Variants in FLG2 observed in about 807,000 individuals in gnomAD.
FLG2 encodes the protein filaggrin 2.
Under a neutral mutation model 3.9 loss-of-function variants are expected in FLG2, and 7 were observed. The observed-to-expected ratio is 1.79, with a 90% confidence interval of 1.02 to 3.36. The LOEUF (loss-of-function observed/expected upper bound fraction) is 3.36. Ranked by LOEUF, FLG2 falls within the 30% of genes most tolerant of loss-of-function variation. The pLI is 0.00. For synonymous variants in FLG2, 1,031 were observed against 1,056.1 expected, an observed-to-expected ratio of 0.98 and a Z score of 0.46; for missense variants, 2,700 against 2,809.4, an observed-to-expected ratio of 0.96 and a Z score of 0.88.
chr1:152,354,757 G>A lies in FLG2; in HGVS notation c.3029C>T (p.Ser1010Phe), dbSNP rs1654127712. 3 of 1,613,918 alleles carry A rather than the reference G, an allele frequency of 1.9e-6. No homozygotes were observed. The highest frequency in any genetic ancestry group is 2.5e-6 in the Non-Finnish European group (3 of 1,180,020). Residue 1010 changes from serine (S) to phenylalanine (F), a missense_variant, in exon 3 of 3, where the codon TCT becomes TTT. By Grantham distance (155) the Ser-to-Phe change is radical (BLOSUM62 -2). Transcript: ENST00000388718. ...ACTAGACCCATGTTGACCATAGCCA[G>A]ATGACTGACTTGAGCCAGAACCATG... is the stretch of plus-strand genomic sequence containing the variant. Reference protein sequence around the residue: ...GQHGSGSSQSSGYGQHGSSSG... With the variant: ...GQHGSGSSQSFGYGQHGSSSG...
rs755140130 is a variant in FLG2 at position 152,356,286 on chromosome 1, A to G, written c.1500T>C (p.Gly500=). ...CATGCTGTCCAAAGCCAGAGGACTG[A>G]CCTGAGCCTGACCCACATTGTCCAA... is the stretch of plus-strand genomic sequence containing the variant. ...SGFGQCGSGS[G]QSSGFGQHGS... Residue 500 remains glycine (G), a synonymous_variant, in exon 3 of 3, where the codon GGT becomes GGC. Transcript: ENST00000388718. The G allele has an allele frequency of 3.7e-5, 59 of 1,612,726 alleles. No homozygotes were observed. The highest frequency in any genetic ancestry group is 4.9e-5 in the Non-Finnish European group (58 of 1,179,694).
At position 152,357,498 on chromosome 1, in the gene FLG2, A is replaced by C. The variant is rs147641330; in HGVS notation, c.288T>G (p.Ala96=). 4.3e-6 allele frequency: 7 copies of C among 1,614,024 alleles called. No homozygotes were observed. Among genetic ancestry groups the C allele is most frequent in the Non-Finnish European group, 5.1e-6 (6 of 1,180,002 alleles). Residue 96 remains alanine, a synonymous_variant, in exon 3 of 3, where the codon GCT becomes GCG. Transcript: ENST00000388718. ...CACGCCTATGCTTCTTTGACCCTGAAGCTTTGCAGTATTCTTTGCTGAGGA... is the reference window on the plus strand; with the variant it reads ...CACGCCTATGCTTCTTTGACCCTGACGCTTTGCAGTATTCTTTGCTGAGGA... ...NKVLSKEYCK[A]SGSKKHRRGH... is the part of the protein sequence containing the mutation.
chr1:152,354,346 C>A lies in FLG2; in HGVS notation c.3440G>T (p.Arg1147Ile), dbSNP rs1352699945. Residue 1147 changes from arginine (R) to isoleucine (I), a missense_variant, in exon 3 of 3, where the codon AGA becomes ATA. By Grantham distance (97) the Arg-to-Ile change is moderately conservative. Transcript: ENST00000388718. ...TTGGCCATAGCTAGACTGACCTGAT[C>A]TGTACTCATGCTGTGCAAAGCCAGA... ...KSSGFAQHEY[R>I]SGQSSYGQHG... The A allele has an allele frequency of 5.6e-6, 9 of 1,614,192 alleles. No individual in the cohort carries two copies. The highest frequency in any genetic ancestry group is 7.6e-6 in the Non-Finnish European group (9 of 1,180,042).
Position 152,354,144 on chromosome 1 carries a change from T to C in FLG2, c.3642A>G (p.Gln1214=). Residue 1214 remains glutamine, a synonymous_variant, in exon 3 of 3, where the codon CAA becomes CAG. Coordinates refer to ENST00000388718, the MANE Select transcript of FLG2 (RefSeq NM_001014342.3). Reference sequence around the variant, plus strand: ...ATTCACCCTGGCCCAAGCCAGTTGATTGACCTGAGCCTGAACCATATTGGC... The same window carrying C: ...ATTCACCCTGGCCCAAGCCAGTTGACTGACCTGAGCCTGAACCATATTGGC... ...GFGQYGSGSG[Q]STGLGQGESQ... is the part of the protein sequence containing the mutation. The C allele has an allele frequency of 1.2e-6, 2 of 1,614,262 alleles. No individual in the cohort carries two copies. Among genetic ancestry groups the C allele is most frequent in the East Asian group, 2.2e-5 (1 of 44,892 alleles).
In FLG2 at chr1:152,350,796, T is replaced by G; in HGVS notation, c.6990A>C (p.Ser2330=). The change falls in exon 3 of 3, where the codon TCA becomes TCC. Residue 2330 remains serine, a synonymous_variant. Coordinates refer to ENST00000388718, the MANE Select transcript of FLG2 (RefSeq NM_001014342.3). ...SRSSRASHFQ[S]HSSERQRHGS... is the part of the protein sequence containing the mutation. ...CATGCCTTTGCCTTTCACTACTATG[T>G]GACTGAAAATGACTTGCTCTACTAG... The G allele has an allele frequency of 6.2e-7, 1 of 1,614,218 alleles. No homozygotes were observed. Among genetic ancestry groups the G allele is most frequent in the Admixed American group, 1.7e-5 (1 of 60,032 alleles).
Position 152,353,217 on chromosome 1 carries a change from G to T in FLG2, c.4569C>A (p.Gly1523=), listed in dbSNP as rs747787921. 6.2e-7 allele frequency: 1 copy of T among 1,603,828 alleles called. No individual in the cohort carries two copies. The highest frequency in any genetic ancestry group is 1.1e-5 in the South Asian group (1 of 89,856). The change falls in exon 3 of 3, where the codon GGC becomes GGA. Residue 1523 remains glycine (G), a synonymous_variant. Coordinates refer to ENST00000388718, the MANE Select transcript of FLG2 (RefSeq NM_001014342.3). ...GSHTHSGHTH[G]QSGSQHGESE... ...ACTCTCCATGTTGAGATCCACTTTG[G>T]CCGTGAGTGTGTCCTGAATGTGTGT...
chr1:152,354,885 G>C lies in FLG2; in HGVS notation c.2901C>G (p.Gly967=), dbSNP rs1266299312. ...GTCCAAAGCCAGAGGACTGACCTGA[G>C]CCTGATCCATGTTGGCCAAAGCCAG... is the stretch of plus-strand genomic sequence containing the variant. ...QSSGFGQHGS[G]SGQSSGFGQH... Residue 967 remains glycine, a synonymous_variant, in exon 3 of 3, where the codon GGC becomes GGG. Coordinates refer to ENST00000388718, the MANE Select transcript of FLG2 (RefSeq NM_001014342.3). The C allele has an allele frequency of 3.7e-6, 6 of 1,613,696 alleles. No homozygotes were observed. The highest frequency in any genetic ancestry group is 3.4e-6 in the Non-Finnish European group (4 of 1,179,944).
chr1:152,359,528 A>C (rs1263899793), intron 1 of FLG2, among the ~76,000 whole-genome samples: 2 of 152,168 alleles, frequency 1.3e-5, no homozygotes, highest in Non-Finnish European at 2.9e-5. Flanking sequence ...ATTAATCAAG[A>C]AGAAGAGCTC....
rs1654238284 is a variant in FLG2 at position 152,356,488 on chromosome 1, C to T, written c.1298G>A (p.Gly433Glu). The change falls in exon 3 of 3, where the codon GGA becomes GAA. Residue 433 changes from glycine (G) to glutamate (E), a missense_variant. Transcript: ENST00000388718. ...CCCAGAGGACTGACTCAAGCCTGTT[C>T]CATGTTGTTCAAAGCTAGTAGACTG... ...SSQSTSFEQH[G>E]TGLSQSSGFE... 1 of 1,614,254 alleles carries T rather than the reference C, an allele frequency of 6.2e-7. No homozygotes were observed. Among genetic ancestry groups the T allele is most frequent in the African/African-American group, 1.3e-5 (1 of 75,066 alleles).
At position 152,355,127 on chromosome 1, in the gene FLG2, G is replaced by C. The variant is rs199891856; in HGVS notation, c.2659C>G (p.His887Asp). 1.3e-6 allele frequency: 2 copies of C among 1,552,500 alleles called. No individual in the cohort carries two copies. Among genetic ancestry groups the C allele is most frequent in the Non-Finnish European group, 1.7e-6 (2 of 1,152,718 alleles). ...SSGQYSGFGQ[H>D]GSGSGQSSGF... ...CTGGACTGACCTGAGCCTGATCCAT[G>C]TTGTCCAAAGCCAGAGTATTGACCT... Residue 887 changes from histidine to aspartate, a missense_variant, in exon 3 of 3, where the codon CAT becomes GAT. Coordinates refer to ENST00000388718, the MANE Select transcript of FLG2 (RefSeq NM_001014342.3).
chr1:152,355,450 T>C lies in FLG2; in HGVS notation c.2336A>G (p.Gln779Arg). 1 of 1,612,590 alleles carries C rather than the reference T, an allele frequency of 6.2e-7. No homozygotes were observed. The highest frequency in any genetic ancestry group is 8.5e-7 in the Non-Finnish European group (1 of 1,179,800). The part of the protein sequence containing the change: ...SYGQHSSGSS[Q>R]SSGYGQHGSR... ...CCCATGTTGGCCATAGCCAGATGAC[T>C]GACTTGAGCCAGAACTGTGTTGGCC... Residue 779 changes from glutamine to arginine, a missense_variant, in exon 3 of 3, where the codon CAG becomes CGG. Physicochemically the swap from Gln to Arg is conservative, Grantham distance 43. Transcript: ENST00000388718.
chr1:152,358,694 A>G, intron 2 of FLG2, 53 bp downstream of exon 2: 3 of 1,577,094 alleles, frequency 1.9e-6, no homozygotes, highest in Non-Finnish European at 2.6e-6. Flanking sequence ...GGGTCATACA[A>G]CAGAGCTTGT....
Position 152,353,868 on chromosome 1 carries a change from T to G in FLG2, c.3918A>C (p.Thr1306=). 1 of 1,614,198 alleles carries G rather than the reference T, an allele frequency of 6.2e-7. No homozygotes were observed. The highest frequency in any genetic ancestry group is 8.5e-7 in the Non-Finnish European group (1 of 1,180,002). The change falls in exon 3 of 3, where the codon ACA becomes ACC. Residue 1306 remains threonine, a synonymous_variant. Transcript: ENST00000388718. ...GAGTAGTTCCTTGTCTTCTGCGAAC[T>G]GTGGATCCTGACTTTGGGTAGTGAG... ...AGSHYPKSGS[T]VRRRQGTTHG...
At position 152,353,252 on chromosome 1, in the gene FLG2, C is replaced by G. The variant is rs140451915; in HGVS notation, c.4534G>C (p.Gly1512Arg). The change falls in exon 3 of 3, where the codon GGG becomes CGG. Residue 1512 changes from glycine to arginine, a missense_variant. Transcript: ENST00000388718. ...TGTCCTGAATGTGTGTGCGAGCCCCCTGAGTGCACTTCACTGTCACTGGAC... is the reference window on the plus strand; with the variant it reads ...TGTCCTGAATGTGTGTGCGAGCCCCGTGAGTGCACTTCACTGTCACTGGAC... ...SESSDSEVHS[G>R]GSHTHSGHTH... 4.5e-6 allele frequency: 7 copies of G among 1,568,330 alleles called. No homozygotes were observed. In the African/African-American group the frequency reaches 9.6e-5, roughly 21 times the overall value.
chr1:152,350,931 C>G lies in FLG2; in HGVS notation c.6855G>C (p.Gln2285His). ...IQGQAGSQQR[Q>H]PGSTVHGRLE... ...GTCTCCCATGAACTGTGGATCCTGGCTGTCTTTGTTGAGATCCAGCTTGGC... is the reference window on the plus strand; with the variant it reads ...GTCTCCCATGAACTGTGGATCCTGGGTGTCTTTGTTGAGATCCAGCTTGGC... Residue 2285 changes from glutamine (Q) to histidine (H), a missense_variant, in exon 3 of 3, where the codon CAG (glutamine) becomes CAC (histidine). Gln to His is a conservative substitution (Grantham distance 24, BLOSUM62 0). Transcript: ENST00000388718. The G allele has an allele frequency of 6.2e-7, 1 of 1,613,392 alleles. No individual in the cohort carries two copies. The highest frequency in any genetic ancestry group is 8.5e-7 in the Non-Finnish European group (1 of 1,179,630).
chr1:152,358,943 T>G (rs1325602966), intron 1 of FLG2, 37 bp from the exon 2 acceptor site: 1 of 1,524,456 alleles, frequency 6.6e-7, no homozygotes, highest in African/African-American at 1.4e-5. Context: ...ATTATTCATA[T>G]TCTCTCCTTT....
In FLG2 at chr1:152,354,910, G is replaced by A. The variant is rs757530669; in HGVS notation, c.2876C>T (p.Ser959Phe). ...GQHRSGSGQS[S>F]GFGQHGSGSG... ...GCCTGATCCATGTTGGCCAAAGCCA[G>A]AGGATTGACCTGAGCCTGACCTGTG... Residue 959 changes from serine (S) to phenylalanine (F), a missense_variant, in exon 3 of 3, where the codon TCT becomes TTT. Coordinates refer to ENST00000388718, the MANE Select transcript of FLG2 (RefSeq NM_001014342.3). The A allele has an allele frequency of 1.7e-5, 28 of 1,613,822 alleles. No individual in the cohort carries two copies. The highest frequency in any genetic ancestry group is 1.7e-6 in the Non-Finnish European group (2 of 1,180,008).
In FLG2 at chr1:152,356,941, T is replaced by C; in HGVS notation, c.845A>G (p.Tyr282Cys). The change falls in exon 3 of 3, where the codon TAT becomes TGT. Residue 282 changes from tyrosine to cysteine, a missense_variant. Tyr to Cys is a radical substitution (Grantham distance 194). Coordinates refer to ENST00000388718, the MANE Select transcript of FLG2 (RefSeq NM_001014342.3). ...CCTTCCACACCCACTTGAATTGCTA[T>C]AACCACATGCATGACTTCGCCTCCC... ...DSGRRSHACG[Y>C]SNSSGCGRPQ... The C allele has an allele frequency of 6.2e-7, 1 of 1,614,224 alleles. No individual in the cohort carries two copies. Among genetic ancestry groups the C allele is most frequent in the Non-Finnish European group, 8.5e-7 (1 of 1,180,046 alleles).
Position 152,355,048 on chromosome 1 carries a change from T to C in FLG2, c.2738A>G (p.His913Arg). 1.3e-6 allele frequency: 2 copies of C among 1,552,746 alleles called. No individual in the cohort carries two copies. The highest frequency in any genetic ancestry group is 1.7e-6 in the Non-Finnish European group (2 of 1,150,472). The change falls in exon 3 of 3, where the codon CAT becomes CGT. Residue 913 changes from histidine (H) to arginine (R), a missense_variant. His to Arg is a conservative substitution (Grantham distance 29). Transcript: ENST00000388718. Reference protein sequence around the residue: ...GSGQYSGFGQHESRSHQSSYG... With the variant: ...GSGQYSGFGQRESRSHQSSYG... ...GCTAGACTGATGTGATCTAGACTCA[T>C]GTTGTCCAAAACCAGAGTATTGTCC... is the stretch of plus-strand genomic sequence containing the variant.
Sources: allele counts gnomAD v4.1 joint callset (sites outside exome capture counted in the v4.1 genomes callset), GRCh38; gene constraint gnomAD v4.1.1; transcripts MANE v1.5; gene names NCBI Gene and HGNC (gene_info 2026-07-23, HGNC 2026-07-21).